MB21D2: variants seen among roughly 807,000 people sequenced by gnomAD.
MB21D2 encodes the protein nucleotidyltransferase MB21D2.
A neutral mutation model predicts 33.3 loss-of-function variants in MB21D2; 9 were observed. The ratio of observed to expected loss-of-function variants is 0.27; its 90% confidence interval spans 0.16 to 0.47. MB21D2 has a LOEUF of 0.47. Among genes scored for constraint, MB21D2 ranks in the 20% least tolerant of loss-of-function variants. MB21D2 has a pLI of 0.99. For missense variants in MB21D2, 540 were observed against 624.6 expected (o/e 0.86, Z 1.44); for synonymous variants, 241 against 236.3 (o/e 1.02, Z -0.18).
At chr3:192,821,497 A>G (rs1712054630) in intron 1 of MB21D2, among the ~76,000 whole-genome samples, 1 of 152,118 alleles carries the variant, frequency 6.6e-6, no homozygotes, top group African/African-American at 2.4e-5. Flanking sequence ...AAGCTGGGAG[A>G]TCCAGGCACA....
At chr3:192,837,487 A>T (rs1712466475) in intron 1 of MB21D2, among the ~76,000 whole-genome samples, 1 of 152,140 alleles carries the variant, frequency 6.6e-6, no homozygotes, top group South Asian at 2.1e-4. Flanking sequence ...GATCTGCAAT[A>T]GTTCATCATT....
Position 192,908,089 on chromosome 3 carries a change from T to C in MB21D2, c.211+9541A>G, listed in dbSNP as rs547080836. ...TACATCCCTCTGCCACATAAGGAGA[T>C]AAGATCAAAATTTTCTGGACTCCAG... On this transcript the variant is annotated intron_variant, in intron 1 of 1. Coordinates refer to ENST00000392452, the MANE Select transcript of MB21D2 (RefSeq NM_178496.4). 5.3e-5 allele frequency among the ~76,000 whole-genome samples: 8 copies of C among 152,224 alleles called. No individual in the cohort carries two copies. In the East Asian group the frequency reaches 5.8e-4, roughly 11 times the overall value.
intron 1 of MB21D2, among the ~76,000 whole-genome samples, chr3:192,893,312 C>T (rs1355749414): frequency 1.3e-5 from 2 of 152,210 alleles, no homozygotes; most frequent in African/African-American, 4.8e-5. Context: ...AATCACTGCC[C>T]TCAAACCGAC....
At chr3:192,832,818 G>A (rs1228118496) in intron 1 of MB21D2, among the ~76,000 whole-genome samples, 1 of 152,120 alleles carries the variant, frequency 6.6e-6, no homozygotes, top group Non-Finnish European at 1.5e-5. Context: ...CCGGGGGGAA[G>A]AGTACATCTA....
At chr3:192,827,378 C>A (rs1035117888) in intron 1 of MB21D2, among the ~76,000 whole-genome samples, 3 of 151,996 alleles carry the variant, frequency 2.0e-5, no homozygotes, top group Non-Finnish European at 4.4e-5. Flanking sequence ...TAATCACTGG[C>A]AGATTGTGTT....
chr3:192,797,203 T>C lies in MB21D2; in HGVS notation c.*1183A>G. 6.6e-6 allele frequency: 1 copy of C among 152,648 alleles called. No individual in the cohort carries two copies. The highest frequency in any genetic ancestry group is 1.9e-4 in the East Asian group (1 of 5,196). 9.5% of individuals were successfully genotyped at this position (152,648 alleles called of 1,614,324 possible). A position where few individuals can be genotyped will look rare whatever the true frequency, so the allele number is the denominator to read the frequency against. On this transcript the variant is annotated 3_prime_UTR_variant, in exon 2 of 2. Coordinates refer to ENST00000392452, the MANE Select transcript of MB21D2 (RefSeq NM_178496.4). ...CTGCCACCCACAGATATTTCCTGGG[T>C]GCTGCTCTATAGCAATACCTGCTTT...
At chr3:192,872,943 C>G (rs926223870) in intron 1 of MB21D2, among the ~76,000 whole-genome samples, 9 of 152,040 alleles carry the variant, frequency 5.9e-5, no homozygotes, top group Non-Finnish European at 1.2e-4. Context: ...TAGCTTAACC[C>G]AACAGATCCC....
intron 1 of MB21D2, among the ~76,000 whole-genome samples, chr3:192,875,437 G>A (rs142328066): frequency 6.4e-4 from 98 of 152,268 alleles, no homozygotes; most frequent in African/African-American, 2.3e-3. Context: ...GTAGAGAAAA[G>A]GATGAAAAGA....
chr3:192,823,717 T>C (rs907094886), intron 1 of MB21D2, among the ~76,000 whole-genome samples: 1 of 152,186 alleles, frequency 6.6e-6, no homozygotes, highest in Non-Finnish European at 1.5e-5. Context: ...AGAATACTTA[T>C]GGCTAGCTTG....
At chr3:192,867,160 G>A (rs1478332195) in intron 1 of MB21D2, among the ~76,000 whole-genome samples, 1 of 152,126 alleles carries the variant, frequency 6.6e-6, no homozygotes, top group Non-Finnish European at 1.5e-5. Context: ...TGGGTAGAGG[G>A]AGGAAAAGGC....
chr3:192,835,533 G>A (rs1712419342), intron 1 of MB21D2, among the ~76,000 whole-genome samples: 1 of 147,418 alleles, frequency 6.8e-6, no homozygotes, highest in Non-Finnish European at 1.5e-5. Context: ...CCAGAAAAAT[G>A]CTAGGCCCTG....
At chr3:192,869,523 C>T (rs75258848) in intron 1 of MB21D2, among the ~76,000 whole-genome samples, 2,112 of 152,272 alleles carry the variant, frequency 0.014, 18 homozygotes, top group Middle Eastern at 0.031. Context: ...ACTCCAAGCA[C>T]AACTATCCAG....
chr3:192,867,110 A>G (rs551871859), intron 1 of MB21D2, among the ~76,000 whole-genome samples: 116 of 152,302 alleles, frequency 7.6e-4, no homozygotes, highest in African/African-American at 2.6e-3. Flanking sequence ...ACTTTCCAAC[A>G]GGCATGCATC....
chr3:192,846,673 T>C (rs913696138), intron 1 of MB21D2, among the ~76,000 whole-genome samples: 1 of 152,208 alleles, frequency 6.6e-6, no homozygotes, highest in African/African-American at 2.4e-5. Context: ...CTGTTTCATT[T>C]AGAATCAGAG....
intron 1 of MB21D2, among the ~76,000 whole-genome samples, chr3:192,904,706 G>A (rs1019747854): frequency 2.6e-5 from 4 of 152,198 alleles, no homozygotes; most frequent in Non-Finnish European, 4.4e-5. Context: ...CCAGAACCAC[G>A]GCAGTGGAAG....
intron 1 of MB21D2, among the ~76,000 whole-genome samples, chr3:192,862,223 G>A (rs937361119): frequency 2.6e-5 from 4 of 152,150 alleles, no homozygotes; most frequent in Admixed American, 2.0e-4. Context: ...TTCTGCCAAC[G>A]TGGAGGAAGT....
At chr3:192,880,411 GACAAA>G (rs1482093014) in intron 1 of MB21D2, among the ~76,000 whole-genome samples, 1 of 152,038 alleles carries the variant, frequency 6.6e-6, no homozygotes, top group East Asian at 1.9e-4. Context: ...CAGATGCTGA[GACAAA>G]GTCTGGGGTT....
At chr3:192,840,125 T>A (rs567203116) in intron 1 of MB21D2, among the ~76,000 whole-genome samples, 78 of 152,242 alleles carry the variant, frequency 5.1e-4, no homozygotes, top group African/African-American at 1.8e-3. Flanking sequence ...AAGCCAAAAA[T>A]CTAAAGATCA....
intron 1 of MB21D2, among the ~76,000 whole-genome samples, chr3:192,885,273 T>C (rs1419046547): frequency 4.6e-5 from 7 of 152,104 alleles, no homozygotes; most frequent in African/African-American, 1.7e-4. Flanking sequence ...CAAGATAAAT[T>C]CTATCATTTC....
Sources: allele counts gnomAD v4.1 joint callset (sites outside exome capture counted in the v4.1 genomes callset), GRCh38; gene constraint gnomAD v4.1.1; transcripts MANE v1.5; gene names NCBI Gene and HGNC (gene_info 2026-07-23, HGNC 2026-07-21).